Variants in EHHADH observed in about 807,000 individuals in gnomAD.
EHHADH encodes the protein enoyl-CoA hydratase and 3-hydroxyacyl CoA dehydrogenase, also known as peroxisomal bifunctional enzyme.
EHHADH carries 48 observed loss-of-function variants against 64.4 expected under a neutral mutation model. That is an observed-to-expected ratio of 0.75 (90% CI 0.59 to 0.95). EHHADH has a LOEUF of 0.95. EHHADH is among the 40% of genes least tolerant of loss of function. The probability of loss-of-function intolerance (pLI) is 0.00; values close to 1 mark genes in which losing one functional copy is unlikely to be tolerated. For missense variants in EHHADH, 854 were observed against 876.6 expected (o/e 0.97, Z 0.33); for synonymous variants, 308 against 326.7 (o/e 0.94, Z 0.62).
intron 5 of EHHADH, among the ~76,000 whole-genome samples, chr3:185,217,407 T>C (rs1457426304): frequency 1.3e-5 from 2 of 151,776 alleles, no homozygotes; most frequent in Non-Finnish European, 2.9e-5. Flanking sequence ...TAGCGGGGCA[T>C]GGTGGGCGGA....
At chr3:185,193,911 T>A (rs1717987042) in intron 6 of EHHADH, among the ~76,000 whole-genome samples, 1 of 152,216 alleles carries the variant, frequency 6.6e-6, no homozygotes, top group African/African-American at 2.4e-5. Flanking sequence ...AAAACATTGT[T>A]AATAGAAATT....
intron 2 of EHHADH, among the ~76,000 whole-genome samples, chr3:185,238,859 C>T (rs2108648594): frequency 6.6e-6 from 1 of 152,212 alleles, no homozygotes; most frequent in South Asian, 2.1e-4. Context: ...AGTTATTTGC[C>T]TAGGCCAACG....
rs1292218510 is a variant in EHHADH, at chr3:185,192,672, C to G, written c.1726G>C (p.Gly576Arg). ...CELGRFGQKTGKGWYQYDKPL... is the reference protein window; with the variant it reads ...CELGRFGQKTRKGWYQYDKPL... ...TTGTCATATTGATACCAACCCTTAC[C>G]TGTCTTCTGGCCAAATCGTCCTAAT... is the stretch of plus-strand genomic sequence containing the variant. The change falls in exon 7 of 7, where the codon GGT becomes CGT. Residue 576 changes from glycine to arginine, a missense_variant. Gly to Arg is a moderately radical substitution (Grantham distance 125). Coordinates refer to ENST00000231887, the MANE Select transcript of EHHADH (RefSeq NM_001966.4). The G allele has an allele frequency of 6.2e-7, 1 of 1,614,212 alleles. No individual in the cohort carries two copies. The highest frequency in any genetic ancestry group is 1.1e-5 in the South Asian group (1 of 91,086).
At chr3:185,251,589 T>C (rs1301174834) in intron 1 of EHHADH, among the ~76,000 whole-genome samples, 1 of 144,730 alleles carries the variant, frequency 6.9e-6, no homozygotes, top group Non-Finnish European at 1.5e-5. Flanking sequence ...AAACTATTTG[T>C]TTTGGGGAAA....
At chr3:185,243,670 CT>C (rs2108650803) in intron 2 of EHHADH, among the ~76,000 whole-genome samples, 2 of 152,248 alleles carry the variant, frequency 1.3e-5, no homozygotes, top group Non-Finnish European at 2.9e-5. Flanking sequence ...CTGATTTCTA[CT>C]TTTATTCCAC....
intron 1 of EHHADH, among the ~76,000 whole-genome samples, chr3:185,250,037 T>C (rs1483108671): frequency 6.6e-6 from 1 of 152,164 alleles, no homozygotes. Flanking sequence ...GAGCAAGAGA[T>C]AGACAGAGAA....
rs769437953 is a variant in EHHADH at position 185,192,336 on chromosome 3, C to G, written c.2062G>C (p.Asp688His). Residue 688 changes from aspartate (D) to histidine (H), a missense_variant, in exon 7 of 7, where the codon GAT becomes CAT. Coordinates refer to ENST00000231887, the MANE Select transcript of EHHADH (RefSeq NM_001966.4). The stretch of plus-strand genomic sequence containing the variant: ...TCACTTGGCTCCAGTTGGGGAATAT[C>G]AGGGTTCTGCCTGTAATATTTCTGC... ...KLQKYYRQNP[D>H]IPQLEPSDYL... 6.2e-7 allele frequency: 1 copy of G among 1,614,140 alleles called. No individual in the cohort carries two copies. Among genetic ancestry groups the G allele is most frequent in the South Asian group, 1.1e-5 (1 of 91,072 alleles).
At chr3:185,226,033 T>C (rs1345552071) in intron 4 of EHHADH, among the ~76,000 whole-genome samples, 2 of 152,186 alleles carry the variant, frequency 1.3e-5, no homozygotes, top group East Asian at 3.9e-4. Context: ...AATTATATAA[T>C]AGGTAGGCAT....
intron 6 of EHHADH, among the ~76,000 whole-genome samples, chr3:185,203,573 C>G (rs1718289458): frequency 6.6e-6 from 1 of 152,074 alleles, no homozygotes; most frequent in Non-Finnish European, 1.5e-5. Flanking sequence ...AGAAGCCAAT[C>G]AGGGAGCTAG....
At chr3:185,217,919 C>T (rs932776796) in intron 5 of EHHADH, among the ~76,000 whole-genome samples, 1 of 151,592 alleles carries the variant, frequency 6.6e-6, no homozygotes, top group Non-Finnish European at 1.5e-5. Flanking sequence ...CGCCCGCCAC[C>T]ACGCCCGGCT....
At chr3:185,194,817 AAAAAAAAAAAAG>A (rs1413389825) in intron 6 of EHHADH, among the ~76,000 whole-genome samples, 1 of 145,676 alleles carries the variant, frequency 6.9e-6, no homozygotes, top group African/African-American at 2.5e-5. Flanking sequence ...AAAAAAAAAA[AAAAAAAAAAAAG>A]AAGCCTATAG....
Position 185,190,670 on chromosome 3 carries a change from A to T in EHHADH, c.*1556T>A, listed in dbSNP as rs993425198. On this transcript the variant is annotated 3_prime_UTR_variant, in exon 7 of 7. Transcript: ENST00000231887. ...TTTATTGATGTCTTTAATTTCACAA[A>T]CCAAATTATATAAAATTAAGTAGTA... The T allele has an allele frequency of 6.6e-6, 1 of 152,158 alleles. No homozygotes were observed. The highest frequency in any genetic ancestry group is 1.5e-5 in the Non-Finnish European group (1 of 68,032). The allele number at this position is 152,158 out of a possible 1,614,324, so 9.4% of individuals were successfully genotyped here. A position where few individuals can be genotyped will look rare whatever the true frequency, so the allele number is the denominator to read the frequency against.
chr3:185,200,248 T>C (rs1718187274), intron 6 of EHHADH, among the ~76,000 whole-genome samples: 1 of 152,180 alleles, frequency 6.6e-6, no homozygotes, highest in African/African-American at 2.4e-5. Context: ...TTTACTAGCA[T>C]GGAGGATTGG....
intron 2 of EHHADH, among the ~76,000 whole-genome samples, chr3:185,244,980 T>A (rs1719556383): frequency 6.6e-6 from 1 of 152,224 alleles, no homozygotes; most frequent in Non-Finnish European, 1.5e-5. Flanking sequence ...AATATTTTCC[T>A]TGACTTTACA....
chr3:185,250,427 G>A (rs1448865822), intron 1 of EHHADH, among the ~76,000 whole-genome samples: 3 of 152,198 alleles, frequency 2.0e-5, no homozygotes, highest in African/African-American at 7.2e-5. Flanking sequence ...GAGAAAATTT[G>A]TGAAGAAGGA....
chr3:185,235,421 G>C lies in EHHADH; in HGVS notation c.220C>G (p.Leu74Val). ...TCATCTACTACATGTCCCAGTGTAA[G>C]GCCAAATGTCCTAGGAGCACTGAAG... ...RGFSAPRTFGLTLGHVVDEIQ... is the reference protein window; with the variant it reads ...RGFSAPRTFGVTLGHVVDEIQ... The change falls in exon 3 of 7, where the codon CTT becomes GTT. Residue 74 changes from leucine to valine, a missense_variant. By Grantham distance (32) the Leu-to-Val change is conservative (BLOSUM62 1). Transcript: ENST00000231887. 1.2e-6 allele frequency: 2 copies of C among 1,613,696 alleles called. No homozygotes were observed. Among genetic ancestry groups the C allele is most frequent in the Non-Finnish European group, 1.7e-6 (2 of 1,179,868 alleles).
intron 2 of EHHADH, among the ~76,000 whole-genome samples, chr3:185,238,418 T>A (rs1237003508): frequency 2.0e-5 from 3 of 152,046 alleles, no homozygotes; most frequent in African/African-American, 7.2e-5. Flanking sequence ...CTTGCCAACA[T>A]ATTGTTGTTT....
Position 185,245,484 on chromosome 3 carries a change from T to C in EHHADH, c.178+2930A>G, listed in dbSNP as rs919575433. 1.5e-5 allele frequency: 16 copies of C among 1,051,444 alleles called. No homozygotes were observed. The African/African-American group carries it at 2.6e-4, about 17-fold the overall frequency. 65.1% of individuals were successfully genotyped at this position (1,051,444 alleles called of 1,614,324 possible). ...ATTAGTTAGCTTTGGCACAGGGCTG[T>C]GCTCGCTTGCCCATGACAGTCTGGA... On this transcript the variant is annotated intron_variant, in intron 2 of 6. Coordinates refer to ENST00000231887, the MANE Select transcript of EHHADH (RefSeq NM_001966.4).
In EHHADH at chr3:185,193,197, T is replaced by C; in HGVS notation, c.1201A>G (p.Lys401Glu). The change falls in exon 7 of 7, where the codon AAA (lysine) becomes GAA (glutamate). Residue 401 changes from lysine to glutamate, a missense_variant. Transcript: ENST00000231887. ...QVFAELSAVC[K>E]PEAFLCTNTS... ...TTAGTGCACAAAAATGCTTCTGGTT[T>C]GCACACAGCTGAGAGTTCAGCAAAG... 6.2e-7 allele frequency: 1 copy of C among 1,612,432 alleles called. No individual in the cohort carries two copies. The highest frequency in any genetic ancestry group is 1.3e-5 in the African/African-American group (1 of 74,956).
Sources: allele counts gnomAD v4.1 joint callset (sites outside exome capture counted in the v4.1 genomes callset), GRCh38; gene constraint gnomAD v4.1.1; transcripts MANE v1.5; gene names NCBI Gene and HGNC (gene_info 2026-07-23, HGNC 2026-07-21).